The following UNK variants were observed in gnomAD, a reference collection of about 807,000 sequenced individuals.
The protein encoded by UNK is unk zinc finger.
Under a neutral mutation model 97.6 loss-of-function variants are expected in UNK, and 32 were observed. The ratio of observed to expected loss-of-function variants is 0.33; its 90% CI spans 0.25 to 0.44. The LOEUF is 0.44. Among genes scored for constraint, UNK ranks in the 20% least tolerant of loss-of-function variants. The probability of loss-of-function intolerance (pLI) is 1.00; values close to 1 mark genes in which losing one functional copy is unlikely to be tolerated. For missense variants in UNK, 771 were observed against 1,098.4 expected (o/e 0.70, Z 4.21); for synonymous variants, 441 against 461.2 (o/e 0.96, Z 0.56).
At chr17:75,812,606 G>T in intron 4 of UNK, 21 bp downstream of exon 4, 2 of 1,609,122 alleles carry the variant, frequency 1.2e-6, no homozygotes, top group Non-Finnish European at 1.7e-6. Context: ...CCACACCTCG[G>T]CCGCGCCCTC....
rs1425934550 is a variant in UNK at position 75,793,861 on chromosome 17, C to T, written c.104+8877C>T. ...CCCACATAAGAGAAGTAGTTATGTT[C>T]TGTAAAGAAGAGGTTGATAAAAACC... On this transcript the variant is annotated intron_variant, in intron 1 of 15. Transcript: ENST00000589666. 5 of 985,246 alleles carry T rather than the reference C, an allele frequency of 5.1e-6. No homozygotes were observed. The African/African-American group carries it at 8.7e-5, about 17-fold the overall frequency. The allele number at this position is 985,246 out of a possible 1,614,324, so 61.0% of individuals were successfully genotyped here. A position where few individuals can be genotyped will look rare whatever the true frequency, so the allele number is the denominator to read the frequency against.
intron 14 of UNK, 51 bp downstream of exon 14, chr17:75,822,709 C>T: frequency 1.3e-6 from 2 of 1,511,826 alleles, no homozygotes; most frequent in South Asian, 2.6e-5. Context: ...TGGCATCCAG[C>T]CCAAGACCTT....
chr17:75,806,588 A>G lies in UNK; in HGVS notation c.105-3172A>G, dbSNP rs574715249. Among the ~76,000 whole-genome samples, 10 of 152,214 alleles carry G rather than the reference A, an allele frequency of 6.6e-5. No individual in the cohort carries two copies. The South Asian group carries it at 1.7e-3, about 25-fold the overall frequency. On this transcript the variant is annotated intron_variant, in intron 1 of 15. Transcript: ENST00000589666. ...GGAGTTCGAGACCAGCCTGGCCAAC[A>G]TGGTGAAACCCTGTCTTTACTAAAA...
rs555790523 is a variant in UNK, at chr17:75,793,595, C to G, written c.104+8611C>G. The G allele has an allele frequency of 6.5e-5, 64 of 985,316 alleles. No individual in the cohort carries two copies. In the African/African-American group the frequency reaches 7.9e-4, roughly 12 times the overall value. The allele number at this position is 985,316 out of a possible 1,614,324, so 61.0% of individuals were successfully genotyped here. A position where few individuals can be genotyped will look rare whatever the true frequency, so the allele number is the denominator to read the frequency against. On this transcript the variant is annotated intron_variant, in intron 1 of 15. Coordinates refer to ENST00000589666, the MANE Select transcript of UNK (RefSeq NM_001080419.3). ...TTAGGACATAAAGAAGATACTGAGG[C>G]CTGTGACAGCCTGTGACAGTATCAT... is the stretch of plus-strand genomic sequence containing the variant.
chr17:75,788,641 C>T (rs926158337), intron 1 of UNK, among the ~76,000 whole-genome samples: 5 of 151,974 alleles, frequency 3.3e-5, no homozygotes, highest in Non-Finnish European at 4.4e-5. Flanking sequence ...TGTGAGCCAC[C>T]GCGCCCAGCC....
Position 75,818,255 on chromosome 17 carries a change from C to G in UNK, c.1371+87C>G. ...GGAGGCTTCGGGGAGTGGGAGGCAC[C>G]ACTTTTCCCAAAAGCTGAGGGCAGG... On this transcript the variant is annotated intron_variant, in intron 10 of 15. Coordinates refer to ENST00000589666, the MANE Select transcript of UNK (RefSeq NM_001080419.3). This position sits in a 1 kb window ranked among gnomAD's most constrained non-coding sequence, Gnocchi z 5.1. The G allele has an allele frequency of 6.9e-7, 1 of 1,459,226 alleles. No individual in the cohort carries two copies. The highest frequency in any genetic ancestry group is 9.4e-7 in the Non-Finnish European group (1 of 1,059,980). The allele number at this position is 1,459,226 out of a possible 1,614,324, so 90.4% of individuals were successfully genotyped here.
intron 1 of UNK, chr17:75,792,128 C>T (rs2061768467): frequency 1.1e-6 from 1 of 947,336 alleles, no homozygotes; most frequent in East Asian, 1.2e-4. Flanking sequence ...TCCTGCCAGA[C>T]CTTTACCTAA....
intron 1 of UNK, among the ~76,000 whole-genome samples, chr17:75,795,540 A>G (rs999402616): frequency 3.9e-5 from 6 of 152,162 alleles, no homozygotes; most frequent in East Asian, 1.9e-4. Flanking sequence ...GGGTTTCGCT[A>G]TGTTGGCCAG....
chr17:75,795,894 CAG>C (rs1355815111), intron 1 of UNK, among the ~76,000 whole-genome samples: 2 of 152,146 alleles, frequency 1.3e-5, no homozygotes, highest in African/African-American at 2.4e-5. Context: ...TCACAGGTGT[CAG>C]AAAGTTCCAG....
intron 1 of UNK, among the ~76,000 whole-genome samples, chr17:75,790,033 C>T (rs970694300): frequency 1.3e-5 from 2 of 152,140 alleles, no homozygotes; most frequent in African/African-American, 2.4e-5. Flanking sequence ...ATCCCAGCTA[C>T]TGAGGAGGCT....
Position 75,823,302 on chromosome 17 carries a change from G to A in UNK, c.2057G>A (p.Gly686Asp), listed in dbSNP as rs1482447318. Residue 686 changes from glycine (G) to aspartate (D), a missense_variant, in exon 15 of 16, where the codon GGT becomes GAT. Transcript: ENST00000589666. ...TGGAAGAAAGAGGCGGAGGAGGCTG[G>A]TGAGCGGGCCAGTGCGGCGGGCGCC... ...DAWKKEAEEA[G>D]ERASAAGAEC... is the part of the protein sequence containing the mutation. The A allele has an allele frequency of 1.2e-6, 2 of 1,607,984 alleles. No homozygotes were observed. The highest frequency in any genetic ancestry group is 1.7e-6 in the Non-Finnish European group (2 of 1,176,366).
chr17:75,820,495 C>T (rs536967208), intron 13 of UNK, among the ~76,000 whole-genome samples: 2 of 152,308 alleles, frequency 1.3e-5, no homozygotes, highest in East Asian at 1.9e-4. Context: ...GAGAGGCTGG[C>T]TCGCACCAGC....
intron 1 of UNK, among the ~76,000 whole-genome samples, chr17:75,807,582 A>G (rs2061930596): frequency 6.6e-6 from 1 of 152,152 alleles, no homozygotes; most frequent in Admixed American, 6.6e-5. Flanking sequence ...CCTCCTGAGT[A>G]GCTGGGACTA....
At chr17:75,790,539 G>A (rs1385604752) in intron 1 of UNK, among the ~76,000 whole-genome samples, 1 of 151,976 alleles carries the variant, frequency 6.6e-6, no homozygotes, top group East Asian at 1.9e-4. Context: ...GGCCGAGGTG[G>A]GAGGATCCCT....
Position 75,820,044 on chromosome 17 carries a change from C to G in UNK, c.1773C>G (p.Pro591=), listed in dbSNP as rs1221220996. The G allele has an allele frequency of 6.2e-7, 1 of 1,613,868 alleles. No individual in the cohort carries two copies. The highest frequency in any genetic ancestry group is 1.1e-5 in the South Asian group (1 of 91,090). ...VSLSSHFLQQ[P]QGHLSQSENT... ...TCTCCTCGCATTTCCTGCAGCAGCC[C>G]CAGGGCCACCTGAGTCAGTCGGAAA... Residue 591 remains proline, a synonymous_variant, in exon 13 of 16, where the codon CCC becomes CCG. Transcript: ENST00000589666.
chr17:75,807,878 C>T (rs1486648282), intron 1 of UNK, among the ~76,000 whole-genome samples: 5 of 152,152 alleles, frequency 3.3e-5, no homozygotes, highest in East Asian at 3.8e-4. Context: ...CATGAGCCAC[C>T]GTGCCTGACC....
At chr17:75,785,102 C>A (rs8067396) in intron 1 of UNK, 118 bp downstream of exon 1, 3 of 669,622 alleles carry the variant, frequency 4.5e-6, no homozygotes, top group East Asian at 6.3e-5. Context: ...CCTCCTCCGG[C>A]CCGGCCCAGA....
chr17:75,807,071 C>T (rs1169350723), intron 1 of UNK, among the ~76,000 whole-genome samples: 1 of 152,224 alleles, frequency 6.6e-6, no homozygotes, highest in African/African-American at 2.4e-5. Flanking sequence ...GGTCTAGCCC[C>T]TGTCCTCGGG....
chr17:75,785,194 G>A, intron 1 of UNK: 1 of 505,030 alleles, frequency 2.0e-6, no homozygotes, highest in Non-Finnish European at 3.5e-6. Context: ...GGGAAACTCG[G>A]TCCCGGCCGC....
Sources: gnomAD v4.1 joint callset for allele counts (sites outside exome capture counted in the v4.1 genomes callset) on GRCh38, gnomAD v4.1.1 for gene constraint, Gnocchi (gnomAD v3.1) non-coding constraint, MANE v1.5 for transcripts, NCBI Gene and HGNC (gene_info 2026-07-23, HGNC 2026-07-21) for gene names.